GRID1: variants seen among roughly 807,000 people sequenced by gnomAD.
GRID1 encodes the protein glutamate ionotropic receptor delta type subunit 1, also known as glutamate receptor ionotropic, delta-1.
A neutral mutation model predicts 98.0 loss-of-function variants in GRID1; 28 were observed. That is an observed-to-expected ratio of 0.29 (90% CI 0.21 to 0.39). The LOEUF is 0.39. Ranked by LOEUF, GRID1 falls within the 10% of genes least tolerant of loss-of-function variation. The pLI, the probability that GRID1 is intolerant of heterozygous loss-of-function variation, is 1.00. For synonymous variants in GRID1, 553 were observed against 538.5 expected (o/e 1.03, Z -0.37); for missense variants, 1,111 against 1,340.5 (o/e 0.83, Z 2.67).
chr10:85,843,350 G>GA (rs1007777756), intron 8 of GRID1, among the ~76,000 whole-genome samples: 11 of 151,696 alleles, frequency 7.3e-5, no homozygotes, highest in South Asian at 6.2e-4. Context: ...AAAAAAATAG[G>GA]AAAAAATCTT....
intron 3 of GRID1, among the ~76,000 whole-genome samples, chr10:86,153,475 T>C (rs181398479): frequency 9.5e-4 from 144 of 152,368 alleles, no homozygotes; most frequent in Non-Finnish European, 6.2e-4. Context: ...TTTTGCTGCA[T>C]TTTACTATTA....
At chr10:85,708,063 T>C (rs1221912000) in intron 12 of GRID1, among the ~76,000 whole-genome samples, 2 of 148,508 alleles carry the variant, frequency 1.3e-5, no homozygotes, top group East Asian at 2.0e-4. Context: ...TGTGTATATA[T>C]ATAACAAACC....
intron 4 of GRID1, among the ~76,000 whole-genome samples, chr10:86,045,796 T>C (rs992226292): frequency 3.9e-5 from 6 of 152,190 alleles, no homozygotes; most frequent in African/African-American, 1.2e-4. Flanking sequence ...GTTGTTATGG[T>C]TGGAAACAGA....
At chr10:86,080,399 A>G (rs1368751013) in intron 4 of GRID1, among the ~76,000 whole-genome samples, 473 of 24,880 alleles carry the variant, frequency 0.019, 4 homozygotes, top group African/African-American at 0.048. Context: ...AAGGGAAGGG[A>G]AGGGAAGGGA....
intron 4 of GRID1, among the ~76,000 whole-genome samples, chr10:86,061,576 G>A (rs1015090375): frequency 1.3e-5 from 2 of 152,178 alleles, no homozygotes; most frequent in East Asian, 1.9e-4. Flanking sequence ...GCAAGGTGAA[G>A]CAAAGCCTGG....
rs1022555226 is a variant in GRID1 at position 86,366,606 on chromosome 10, C to A, written c.-214G>T. ...CGCGGTCGGGCTCCCGCTCCGGCTC[C>A]GGTGGCGGCTGCGGCGGTGCTGGCA... On this transcript the variant is annotated 5_prime_UTR_variant, in exon 1 of 16. Coordinates refer to ENST00000327946, the MANE Select transcript of GRID1 (RefSeq NM_017551.3). This position sits in a 1 kb window ranked among gnomAD's most constrained non-coding sequence, Gnocchi z 4.1. The A allele has an allele frequency of 2.3e-5, 4 of 177,710 alleles. No homozygotes were observed. Among genetic ancestry groups the A allele is most frequent in the African/African-American group, 4.8e-5 (2 of 41,752 alleles). 11.0% of individuals were successfully genotyped at this position (177,710 alleles called of 1,614,324 possible).
chr10:86,022,409 C>G (rs1001510134), intron 4 of GRID1, among the ~76,000 whole-genome samples: 4 of 152,160 alleles, frequency 2.6e-5, no homozygotes, highest in Non-Finnish European at 5.9e-5. Context: ...GTGGCTCCTG[C>G]GTAGGACAGT....
intron 6 of GRID1, among the ~76,000 whole-genome samples, chr10:85,857,487 C>A (rs981426398): frequency 1.3e-5 from 2 of 152,036 alleles, no homozygotes; most frequent in Non-Finnish European, 2.9e-5. Context: ...GCTCTGTTCT[C>A]GGATGTCACC....
intron 8 of GRID1, among the ~76,000 whole-genome samples, chr10:85,763,690 A>G (rs1310667804): frequency 6.6e-6 from 1 of 152,222 alleles, no homozygotes; most frequent in Non-Finnish European, 1.5e-5. Flanking sequence ...ATTTTTAAGC[A>G]GTGTCCTCTG....
At chr10:85,620,061 A>T (rs767802427) in intron 13 of GRID1, 28 bp from the exon 14 acceptor site, 1 of 1,602,858 alleles carries the variant, frequency 6.2e-7, no homozygotes, top group South Asian at 1.1e-5. Context: ...CCATGAAGTC[A>T]GGCAGTCCTG....
intron 12 of GRID1, among the ~76,000 whole-genome samples, chr10:85,680,624 T>C (rs751895044): frequency 1.3e-5 from 2 of 152,174 alleles, no homozygotes; most frequent in Admixed American, 1.3e-4. Flanking sequence ...CACTACTGGG[T>C]ATCTACCAAA....
intron 4 of GRID1, among the ~76,000 whole-genome samples, chr10:86,135,027 A>T (rs536662192): frequency 6.6e-6 from 1 of 152,332 alleles, no homozygotes; most frequent in South Asian, 2.1e-4. Context: ...TGACAGGAAG[A>T]GCCATGAGCA....
intron 8 of GRID1, among the ~76,000 whole-genome samples, chr10:85,801,462 C>T (rs947094193): frequency 2.0e-5 from 3 of 151,564 alleles, no homozygotes; most frequent in Non-Finnish European, 4.4e-5. Context: ...TGTAAAATGT[C>T]TAAATAAAAG....
rs112177889 is a variant in GRID1 at position 85,739,790 on chromosome 10, G to GA, written c.1234-10177dup. On this transcript the variant is annotated intron_variant, in intron 8 of 15. Coordinates refer to ENST00000327946, the MANE Select transcript of GRID1 (RefSeq NM_017551.3). ...CAAATAGCTCCATGGTGTGTGGGGG[G>GA]AAAAATAGATTACATAACATTATAT... Among the ~76,000 whole-genome samples, 404 of 152,154 alleles carry GA rather than the reference G, an allele frequency of 2.7e-3. 3 individuals carry two copies. Among genetic ancestry groups the GA allele is most frequent in the African/African-American group, 8.9e-3 (370 of 41,512 alleles).
At position 85,792,195 on chromosome 10, in the gene GRID1, A is replaced by T. The variant is rs200076314; in HGVS notation, c.1233+62301T>A. Among the ~76,000 whole-genome samples the T allele has an allele frequency of 8.5e-5, 13 of 152,294 alleles. No homozygotes were observed. In the East Asian group the frequency reaches 2.1e-3, roughly 25 times the overall value. Reference sequence around the variant, plus strand: ...TACACCATTGAAGGATTATGCCTCAACTGCCAGTGCCACCAGAGATCCGCC... The same window carrying T: ...TACACCATTGAAGGATTATGCCTCATCTGCCAGTGCCACCAGAGATCCGCC... On this transcript the variant is annotated intron_variant, in intron 8 of 15. Coordinates refer to ENST00000327946, the MANE Select transcript of GRID1 (RefSeq NM_017551.3).
intron 4 of GRID1, among the ~76,000 whole-genome samples, chr10:85,969,373 A>G (rs1842378643): frequency 6.6e-6 from 1 of 152,214 alleles, no homozygotes; most frequent in Non-Finnish European, 1.5e-5. Context: ...ACTCCATTCA[A>G]CAAGAGGAGA....
intron 2 of GRID1, among the ~76,000 whole-genome samples, chr10:86,276,049 A>G (rs1426892084): frequency 6.6e-6 from 1 of 152,240 alleles, no homozygotes; most frequent in Admixed American, 6.5e-5. Context: ...CTTGTCATGT[A>G]CAAGGGATTC....
At chr10:85,891,591 AC>A (rs1841201003) in intron 5 of GRID1, among the ~76,000 whole-genome samples, 2 of 152,122 alleles carry the variant, frequency 1.3e-5, no homozygotes, top group Admixed American at 1.3e-4. Flanking sequence ...ACATAACTAA[AC>A]CCCCTGAATC....
At chr10:85,821,824 G>C (rs146821741) in intron 8 of GRID1, among the ~76,000 whole-genome samples, 5,027 of 152,188 alleles carry the variant, frequency 0.033, 126 homozygotes, top group Non-Finnish European at 0.047. Context: ...GCATGGTACT[G>C]GTACCAAAAC....
Sources: allele counts gnomAD v4.1 joint callset (sites outside exome capture counted in the v4.1 genomes callset), GRCh38; gene constraint gnomAD v4.1.1; non-coding constraint Gnocchi (gnomAD v3.1); transcripts MANE v1.5; gene names NCBI Gene and HGNC (gene_info 2026-07-23, HGNC 2026-07-21).